Variants in GRIN2B observed in about 807,000 individuals in gnomAD.
GRIN2B encodes the protein glutamate receptor ionotropic, NMDA 2B.
In GRIN2B, 5 loss-of-function variants were observed where a neutral mutation model predicts 114.5. That is an observed-to-expected ratio of 0.04 (90% CI 0.02 to 0.09). The LOEUF (loss-of-function observed/expected upper bound fraction) is 0.09. GRIN2B is among the 10% of genes least tolerant of loss of function. The probability of loss-of-function intolerance (pLI) is 1.00; values close to 1 mark genes in which losing one functional copy is unlikely to be tolerated. For missense variants in GRIN2B, 1,108 were observed against 1,943.5 expected (o/e 0.57, Z 8.08); for synonymous variants, 787 against 745.1 (o/e 1.06, Z -0.92).
chr12:13,754,464 A>G (rs925113441), intron 3 of GRIN2B, among the ~76,000 whole-genome samples: 4 of 152,242 alleles, frequency 2.6e-5, no homozygotes, highest in Admixed American at 6.5e-5. Flanking sequence ...TGAGCTACAC[A>G]TAAACCTATC....
intron 3 of GRIN2B, among the ~76,000 whole-genome samples, chr12:13,790,299 G>A (rs971459084): frequency 2.6e-5 from 4 of 151,998 alleles, no homozygotes; most frequent in Admixed American, 6.6e-5. Context: ...CCACTCTCCT[G>A]TGTCCTCTCA....
intron 2 of GRIN2B, among the ~76,000 whole-genome samples, chr12:13,934,654 T>C (rs904533327): frequency 6.6e-6 from 1 of 151,790 alleles, no homozygotes; most frequent in East Asian, 1.9e-4. Context: ...CAGATGCCCA[T>C]AACAGGGCAT....
chr12:13,822,029 G>A (rs1864949110), intron 3 of GRIN2B, among the ~76,000 whole-genome samples: 1 of 152,074 alleles, frequency 6.6e-6, no homozygotes, highest in East Asian at 1.9e-4. Flanking sequence ...AGCAAAACCA[G>A]GGAATGATAT....
intron 10 of GRIN2B, among the ~76,000 whole-genome samples, chr12:13,578,848 G>A (rs1226521293): frequency 2.0e-5 from 3 of 152,046 alleles, no homozygotes; most frequent in South Asian, 2.1e-4. Flanking sequence ...CATCTGAACC[G>A]AGACCTGAAT....
At chr12:13,884,209 C>G (rs1866115117) in intron 2 of GRIN2B, among the ~76,000 whole-genome samples, 1 of 151,826 alleles carries the variant, frequency 6.6e-6, no homozygotes, top group South Asian at 2.1e-4. Context: ...AATTGTTTTG[C>G]CTTTTTGGTT....
intron 4 of GRIN2B, among the ~76,000 whole-genome samples, chr12:13,727,920 C>A (rs1395244918): frequency 6.6e-6 from 1 of 152,196 alleles, no homozygotes. Context: ...TCTGCATGCA[C>A]CCCTTCTCCT....
chr12:13,760,402 C>T (rs17761184), intron 3 of GRIN2B, among the ~76,000 whole-genome samples: 57,023 of 152,036 alleles, frequency 0.38, 11,314 homozygotes, highest in African/African-American at 0.42. Context: ...GGCTATCCAA[C>T]TGTGATTATA....
At chr12:13,668,366 T>C (rs1356642689) in intron 5 of GRIN2B, among the ~76,000 whole-genome samples, 1 of 152,200 alleles carries the variant, frequency 6.6e-6, no homozygotes, top group Non-Finnish European at 1.5e-5. Flanking sequence ...CCTGCTCTTC[T>C]CTTTGAATTA....
rs966849851 is a variant in GRIN2B at position 13,771,132 on chromosome 12, T to C, written c.412-17217A>G. ...GATCTTTCCTGTGCTGGTCTTGTGA[T>C]AGTGTATAAGTCTCACGAGAGCTGA... is the stretch of plus-strand genomic sequence containing the variant. On this transcript the variant is annotated intron_variant, in intron 3 of 13. Transcript: ENST00000609686. 5.3e-5 allele frequency among the ~76,000 whole-genome samples: 8 copies of C among 152,278 alleles called. No individual in the cohort carries two copies. The East Asian group carries it at 1.4e-3, about 26-fold the overall frequency.
intron 2 of GRIN2B, among the ~76,000 whole-genome samples, chr12:13,914,375 G>A (rs539074440): frequency 7.2e-5 from 11 of 152,216 alleles, no homozygotes; most frequent in African/African-American, 2.2e-4. Flanking sequence ...AGGAGATATC[G>A]TCTCACCCCA....
intron 2 of GRIN2B, among the ~76,000 whole-genome samples, chr12:13,963,349 A>G (rs1464384523): frequency 6.6e-6 from 1 of 151,988 alleles, no homozygotes; most frequent in Non-Finnish European, 1.5e-5. Flanking sequence ...AAATGAACGC[A>G]CCCAGCTTCT....
chr12:13,651,913 G>A (rs951869702), intron 5 of GRIN2B, among the ~76,000 whole-genome samples: 8 of 152,128 alleles, frequency 5.3e-5, no homozygotes, highest in South Asian at 2.1e-4. Flanking sequence ...AGTAAGATGA[G>A]TTATGAGAAT....
intron 2 of GRIN2B, among the ~76,000 whole-genome samples, chr12:13,949,686 G>A (rs952974437): frequency 6.6e-6 from 1 of 152,136 alleles, no homozygotes; most frequent in East Asian, 1.9e-4. Flanking sequence ...ACATGTTCTA[G>A]TATTACAGAG....
intron 2 of GRIN2B, among the ~76,000 whole-genome samples, chr12:13,945,156 T>G (rs183309641): frequency 6.6e-6 from 1 of 152,260 alleles, no homozygotes; most frequent in South Asian, 2.1e-4. Flanking sequence ...CTAAACAAAT[T>G]GTGGCAGGCC....
At chr12:13,981,003 C>T (rs1317086326) in intron 1 of GRIN2B, among the ~76,000 whole-genome samples, 16 of 152,150 alleles carry the variant, frequency 1.1e-4, no homozygotes, top group Non-Finnish European at 2.4e-4. Context: ...TGAGGTGCAG[C>T]GCACGGGGCT....
Position 13,713,663 on chromosome 12 carries a change from G to C in GRIN2B, c.1011-37804C>G, listed in dbSNP as rs1282127414. Among the ~76,000 whole-genome samples the C allele has an allele frequency of 1.3e-5, 2 of 150,618 alleles. 1 individual carries two copies. The highest frequency in any genetic ancestry group is 3.0e-5 in the Non-Finnish European group (2 of 67,758). ...CTACAAGGGAACAACTCAGAATCTG[G>C]TTGTTATTTTTGCCTGTTTTTTTTC... On this transcript the variant is annotated intron_variant, in intron 4 of 13. Coordinates refer to ENST00000609686, the MANE Select transcript of GRIN2B (RefSeq NM_000834.5).
intron 2 of GRIN2B, among the ~76,000 whole-genome samples, chr12:13,946,903 A>G (rs1283473228): frequency 6.6e-6 from 1 of 152,164 alleles, no homozygotes; most frequent in East Asian, 1.9e-4. Flanking sequence ...AATATTTCCA[A>G]TTATCCCTTT....
At position 13,563,227 on chromosome 12, in the gene GRIN2B, G is replaced by C. The variant is rs1948573762; in HGVS notation, c.4011C>G (p.Ala1337=). 6.2e-7 allele frequency: 1 copy of C among 1,614,096 alleles called. No individual in the cohort carries two copies. Residue 1337 remains alanine, a synonymous_variant, in exon 14 of 14, where the codon GCC becomes GCG. Coordinates refer to ENST00000609686, the MANE Select transcript of GRIN2B (RefSeq NM_000834.5). ...CGCCAGCTGACATCTCAAACATGTG[G>C]GCGTAGGGGCTCCCATCCATGAATC... ...KGRFMDGSPY[A]HMFEMSAGES...
rs986201932 is a variant in GRIN2B, at chr12:13,561,363, A to G, written c.*1420T>C. On this transcript the variant is annotated 3_prime_UTR_variant, in exon 14 of 14. Transcript: ENST00000609686. Reference sequence around the variant, plus strand: ...CTCTCTGCCCCCGTCTCCCATTTCCAAGTCTCTTCCCCTCTTTTCGTACCT... The same window carrying G: ...CTCTCTGCCCCCGTCTCCCATTTCCGAGTCTCTTCCCCTCTTTTCGTACCT... 2.0e-5 allele frequency: 3 copies of G among 152,076 alleles called. No individual in the cohort carries two copies. The highest frequency in any genetic ancestry group is 2.0e-4 in the Admixed American group (3 of 15,254). 9.4% of individuals were successfully genotyped at this position (152,076 alleles called of 1,614,324 possible). A position where few individuals can be genotyped will look rare whatever the true frequency, so the allele number is the denominator to read the frequency against.
Sources: gnomAD v4.1 joint callset for allele counts (sites outside exome capture counted in the v4.1 genomes callset) on GRCh38, gnomAD v4.1.1 for gene constraint, MANE v1.5 for transcripts, NCBI Gene and HGNC (gene_info 2026-07-23, HGNC 2026-07-21) for gene names.